Variants in TRABD2B observed in about 807,000 individuals in gnomAD.
The protein encoded by TRABD2B is TraB domain containing 2B.
TRABD2B carries 14 observed loss-of-function variants against 40.1 expected under a neutral mutation model. The observed-to-expected ratio is 0.35, with a 90% CI of 0.23 to 0.55. TRABD2B has a LOEUF of 0.55. Among genes scored for constraint, TRABD2B ranks in the 20% least tolerant of loss-of-function variants. TRABD2B has a pLI of 0.90. For synonymous variants in TRABD2B, 263 were observed against 277.0 expected (o/e 0.95, Z 0.50); for missense variants, 541 against 648.6 (o/e 0.83, Z 1.80).
At chr1:47,820,963 T>TTTCC (rs1373750000) in intron 2 of TRABD2B, among the ~76,000 whole-genome samples, 20 of 152,216 alleles carry the variant, frequency 1.3e-4, no homozygotes, top group Non-Finnish European at 1.6e-4. Flanking sequence ...CAAAGAGTTC[T>TTTCC]TTCCTTCCTC....
At chr1:47,824,648 T>C (rs566183809) in intron 2 of TRABD2B, among the ~76,000 whole-genome samples, 2 of 152,304 alleles carry the variant, frequency 1.3e-5, no homozygotes, top group South Asian at 2.1e-4. Flanking sequence ...AGAGAAGACC[T>C]TTGTGGGAGA....
At chr1:47,992,934 A>ATAT (rs1646033285) in intron 2 of TRABD2B, among the ~76,000 whole-genome samples, 1 of 152,254 alleles carries the variant, frequency 6.6e-6, no homozygotes, top group African/African-American at 2.4e-5. Context: ...CCCAGGGACA[A>ATAT]TATTGCATTT....
chr1:47,962,750 CAG>C (rs1474901356), intron 2 of TRABD2B, among the ~76,000 whole-genome samples: 1 of 152,210 alleles, frequency 6.6e-6, no homozygotes, highest in Non-Finnish European at 1.5e-5. Context: ...AATTCAGCTG[CAG>C]AGTGTATGCT....
chr1:47,784,776 C>G (rs1394877605), intron 4 of TRABD2B, among the ~76,000 whole-genome samples: 2 of 152,238 alleles, frequency 1.3e-5, no homozygotes, highest in South Asian at 4.1e-4. Context: ...TTCCTTTCTC[C>G]TGCTTTGCAG....
At chr1:47,784,789 C>T (rs538111593) in intron 4 of TRABD2B, among the ~76,000 whole-genome samples, 15 of 152,296 alleles carry the variant, frequency 9.8e-5, no homozygotes, top group East Asian at 1.9e-4. Context: ...CTTTGCAGGC[C>T]GCCCAGGGAA....
At chr1:47,971,805 T>G (rs1645686090) in intron 2 of TRABD2B, among the ~76,000 whole-genome samples, 1 of 152,218 alleles carries the variant, frequency 6.6e-6, no homozygotes, top group South Asian at 2.1e-4. Context: ...TGGCCTTTTC[T>G]TTCCATTCCC....
At chr1:47,921,096 T>C (rs138679655) in intron 2 of TRABD2B, among the ~76,000 whole-genome samples, 11 of 152,290 alleles carry the variant, frequency 7.2e-5, no homozygotes, top group African/African-American at 2.4e-4. Flanking sequence ...TCACTAAATG[T>C]TTGTCAAACT....
At position 47,794,604 on chromosome 1, in the gene TRABD2B, A is replaced by G; in HGVS notation, c.970T>C (p.Phe324Leu). Residue 324 changes from phenylalanine (F) to leucine (L), a missense_variant, in exon 4 of 7, where the codon TTC becomes CTC. Physicochemically the swap from Phe to Leu is conservative, Grantham distance 22 (BLOSUM62 0). Around this residue, in one of 2 missense-constraint regions of TRABD2B, gnomAD observed 369 missense variants for 492.8 expected, o/e 0.75. Transcript: ENST00000606738. ...CCCAAACCTGCTCCGAAGGCAAAGA[A>G]GCAGATCTTGTCCTCGTTCTCCCGT... is the stretch of plus-strand genomic sequence containing the variant. ...LLRENEDKICFFAFGAGHFLG... is the reference protein window; with the variant it reads ...LLRENEDKICLFAFGAGHFLG... 3 of 1,532,658 alleles carry G rather than the reference A, an allele frequency of 2.0e-6. No homozygotes were observed. The highest frequency in any genetic ancestry group is 2.6e-6 in the Non-Finnish European group (3 of 1,144,298). 94.9% of individuals were successfully genotyped at this position (1,532,658 alleles called of 1,614,324 possible). A position where few individuals can be genotyped will look rare whatever the true frequency, so the allele number is the denominator to read the frequency against.
In TRABD2B at chr1:47,861,805, T is replaced by A. The variant is rs531053856; in HGVS notation, c.667-60186A>T. Among the ~76,000 whole-genome samples the A allele has an allele frequency of 2.0e-5, 3 of 152,124 alleles. No individual in the cohort carries two copies. In the East Asian group the frequency reaches 5.8e-4, roughly 29 times the overall value. ...CCAACCTCAAACCAGACAAAGACAT[T>A]ACAGGAAAAGAAGGTTACAGACCAA... On this transcript the variant is annotated intron_variant, in intron 2 of 6. Coordinates refer to ENST00000606738, the MANE Select transcript of TRABD2B (RefSeq NM_001194986.2).
chr1:47,864,541 T>C (rs1426175913), intron 2 of TRABD2B, among the ~76,000 whole-genome samples: 1 of 152,230 alleles, frequency 6.6e-6, no homozygotes. Flanking sequence ...TTACTCAGTT[T>C]TCTCAAAAAT....
intron 2 of TRABD2B, among the ~76,000 whole-genome samples, chr1:47,824,588 A>G (rs1302809564): frequency 6.6e-6 from 1 of 152,224 alleles, no homozygotes; most frequent in Non-Finnish European, 1.5e-5. Context: ...TTCAAAGCCC[A>G]TGCCCTATTC....
At chr1:47,840,698 A>C (rs2124483368) in intron 2 of TRABD2B, among the ~76,000 whole-genome samples, 1 of 152,278 alleles carries the variant, frequency 6.6e-6, no homozygotes, top group African/African-American at 2.4e-5. Context: ...ACCACAGTTG[A>C]GTTATGAGCT....
intron 2 of TRABD2B, among the ~76,000 whole-genome samples, chr1:47,979,784 G>A (rs1377554072): frequency 1.3e-5 from 2 of 152,204 alleles, no homozygotes; most frequent in African/African-American, 4.8e-5. Context: ...GCCCTGTAAT[G>A]TATAACTACT....
chr1:47,870,156 C>CA (rs1255562725), intron 2 of TRABD2B, among the ~76,000 whole-genome samples: 22 of 152,138 alleles, frequency 1.4e-4, no homozygotes, highest in Admixed American at 1.4e-3. Context: ...ACTCCCATCC[C>CA]ACCTGTAACT....
At chr1:47,794,188 C>A (rs981268123) in intron 4 of TRABD2B, among the ~76,000 whole-genome samples, 6 of 152,182 alleles carry the variant, frequency 3.9e-5, no homozygotes, top group African/African-American at 1.4e-4. Context: ...AGAGCCAGGA[C>A]TGTGGGACGC....
chr1:47,791,309 GC>G (rs1308661664), intron 4 of TRABD2B, among the ~76,000 whole-genome samples: 1 of 152,216 alleles, frequency 6.6e-6, no homozygotes, highest in Non-Finnish European at 1.5e-5. Flanking sequence ...TGACAGAAGA[GC>G]CCCCAGCAGG....
chr1:47,935,376 CAT>C (rs1336550876), intron 2 of TRABD2B, among the ~76,000 whole-genome samples: 4 of 152,308 alleles, frequency 2.6e-5, no homozygotes, highest in East Asian at 1.9e-4. Context: ...CCTTACACCA[CAT>C]GTGTTCGCAC....
rs1462723205 is a variant in TRABD2B at position 47,994,614 on chromosome 1, G to A, written c.103-17C>T. 3.9e-6 allele frequency: 6 copies of A among 1,528,156 alleles called. No homozygotes were observed. The highest frequency in any genetic ancestry group is 4.4e-6 in the Non-Finnish European group (5 of 1,142,622). The allele number at this position is 1,528,156 out of a possible 1,614,324, so 94.7% of individuals were successfully genotyped here. A position where few individuals can be genotyped will look rare whatever the true frequency, so the allele number is the denominator to read the frequency against. On this transcript the variant is annotated splice_polypyrimidine_tract_variant and intron_variant, in intron 1 of 6. Transcript: ENST00000606738. This position sits in a 1 kb window ranked among gnomAD's most constrained non-coding sequence, Gnocchi z 6.7. ...GTCCCTCTGCTGCAGGAGTAGAGAA[G>A]AGGCAAGGCAGTGAGGCCGAAGGCA... is the stretch of plus-strand genomic sequence containing the variant.
chr1:47,795,052 T>C (rs1219927868), intron 3 of TRABD2B, among the ~76,000 whole-genome samples: 1 of 152,228 alleles, frequency 6.6e-6, no homozygotes, highest in Non-Finnish European at 1.5e-5. Context: ...ATTATAGGCA[T>C]GAGCCACTGC....
Sources: allele counts gnomAD v4.1 joint callset (sites outside exome capture counted in the v4.1 genomes callset), GRCh38; gene constraint gnomAD v4.1.1; regional missense constraint gnomAD v4.1.1; non-coding constraint Gnocchi (gnomAD v3.1); transcripts MANE v1.5; gene names NCBI Gene and HGNC (gene_info 2026-07-23, HGNC 2026-07-21).